DPH6: variants seen among roughly 807,000 people sequenced by gnomAD.
The protein encoded by DPH6 is diphthine--ammonia ligase.
In DPH6, 33 loss-of-function variants were observed where a neutral mutation model predicts 38.2. The observed-to-expected ratio is 0.86, with a 90% CI of 0.65 to 1.15. DPH6 has a LOEUF of 1.15. DPH6 is among the 50% of genes most tolerant of loss of function. The pLI is 0.00. For synonymous variants in DPH6, 108 were observed against 103.0 expected (o/e 1.05, Z -0.30); for missense variants, 325 against 320.0 (o/e 1.02, Z -0.12).
chr15:35,167,638 C>T, the DPH6 span, among the ~76,000 whole-genome samples: 1 of 150,224 alleles, frequency 6.7e-6, no homozygotes, highest in Non-Finnish European at 1.5e-5. Context: ...AGACATCTCG[C>T]AATGCCTAAG....
chr15:35,283,941 T>G (rs2051920518), intron 3 of DPH6, among the ~76,000 whole-genome samples: 1 of 152,226 alleles, frequency 6.6e-6, no homozygotes, highest in African/African-American at 2.4e-5. Context: ...CTCTTTATCT[T>G]TATCTTTGCT....
intron 3 of DPH6, among the ~76,000 whole-genome samples, chr15:35,529,729 T>A (rs1296146685): frequency 6.6e-6 from 1 of 152,122 alleles, no homozygotes; most frequent in East Asian, 1.9e-4. Context: ...GAATTAATGT[T>A]TGACAAATGA....
rs963079284 is a variant in DPH6, at chr15:35,391,255, G to T, written c.568-9339C>A. Among the ~76,000 whole-genome samples, 20 of 152,138 alleles carry T rather than the reference G, an allele frequency of 1.3e-4. 1 individual carries two copies. Among genetic ancestry groups the T allele is most frequent in the South Asian group, 1.0e-3 (5 of 4,834 alleles). On this transcript the variant is annotated intron_variant, in intron 6 of 8. Coordinates refer to ENST00000256538, the MANE Select transcript of DPH6 (RefSeq NM_080650.4). ...TGCGAGGTGTCAGTCCGCCCCTACT[G>T]GGGGGTGCCTCCCAGTTAGGCTACT...
At chr15:35,270,709 G>A (rs1010787490) in intron 3 of DPH6, among the ~76,000 whole-genome samples, 2 of 152,156 alleles carry the variant, frequency 1.3e-5, no homozygotes, top group African/African-American at 4.8e-5. Flanking sequence ...ATGCTCTTGT[G>A]TTTGTAGGGA....
intron 4 of DPH6, 47 bp from the exon 5 acceptor site, chr15:35,450,850 T>C: frequency 7.0e-7 from 1 of 1,420,556 alleles, no homozygotes; most frequent in Non-Finnish European, 9.7e-7. Context: ...CTTAATGTTT[T>C]ATACTTGGAT....
intron 3 of DPH6, among the ~76,000 whole-genome samples, chr15:35,360,768 G>A (rs1281596080): frequency 6.6e-6 from 1 of 151,962 alleles, no homozygotes; most frequent in Admixed American, 6.6e-5. Flanking sequence ...GGGCATAGAT[G>A]GGTGTGTCTC....
chr15:35,465,656 GTTT>G (rs1311132382), intron 3 of DPH6, among the ~76,000 whole-genome samples: 4 of 152,092 alleles, frequency 2.6e-5, no homozygotes, highest in African/African-American at 7.2e-5. Context: ...AAAATCTTTT[GTTT>G]TTTTCTTAAA....
chr15:35,280,630 T>C (rs918650254), intron 3 of DPH6, among the ~76,000 whole-genome samples: 5 of 152,234 alleles, frequency 3.3e-5, no homozygotes, highest in Non-Finnish European at 7.3e-5. Flanking sequence ...CAGAGAACTA[T>C]TTATCCATTT....
intron 3 of DPH6, among the ~76,000 whole-genome samples, chr15:35,317,861 TA>T (rs1352232302): frequency 6.6e-6 from 1 of 152,054 alleles, no homozygotes; most frequent in Non-Finnish European, 1.5e-5. Context: ...TACGTTGTAA[TA>T]AGTCCAGGCA....
At chr15:35,251,651 G>C (rs318331) in intron 3 of DPH6, among the ~76,000 whole-genome samples, 83,547 of 152,050 alleles carry the variant, frequency 0.55, 26,715 homozygotes, top group Non-Finnish European at 0.73. Context: ...TCACCACTTT[G>C]CTTTGTAACT....
At chr15:35,183,433 C>T in the DPH6 span, among the ~76,000 whole-genome samples, 1 of 152,128 alleles carries the variant, frequency 6.6e-6, no homozygotes, top group Non-Finnish European at 1.5e-5. Flanking sequence ...TGTTTCTTTA[C>T]AATAATAGTG....
chr15:35,478,368 C>CAT (rs2054286676), intron 3 of DPH6, among the ~76,000 whole-genome samples: 2 of 16,580 alleles, frequency 1.2e-4, no homozygotes, highest in African/African-American at 1.6e-4. Flanking sequence ...CCCACACATA[C>CAT]ACACACACAC....
chr15:35,278,904 G>T (rs555939903), intron 3 of DPH6, among the ~76,000 whole-genome samples: 18 of 151,652 alleles, frequency 1.2e-4, no homozygotes, highest in Non-Finnish European at 2.4e-4. Flanking sequence ...AAAAAATTAC[G>T]TGGGCGTGGT....
chr15:35,489,229 G>A lies in DPH6; in HGVS notation c.313-34409C>T, dbSNP rs1035958693. 2.2e-4 allele frequency: 128 copies of A among 580,496 alleles called. No homozygotes were observed. The African/African-American group carries it at 2.5e-3, about 11-fold the overall frequency. 36.0% of individuals were successfully genotyped at this position (580,496 alleles called of 1,614,324 possible). On this transcript the variant is annotated intron_variant, in intron 3 of 8. Coordinates refer to ENST00000256538, the MANE Select transcript of DPH6 (RefSeq NM_080650.4). ...GAGATATAATCTTGGAAACCACAGA[G>A]CAGCCATATTTTTTACCATGTGATC...
chr15:35,478,228 T>C (rs2054284150), intron 3 of DPH6, among the ~76,000 whole-genome samples: 1 of 151,892 alleles, frequency 6.6e-6, no homozygotes, highest in Non-Finnish European at 1.5e-5. Context: ...AGCCTATAAC[T>C]AAATACAACT....
At chr15:35,481,907 C>T (rs2054332112) in intron 3 of DPH6, among the ~76,000 whole-genome samples, 1 of 151,970 alleles carries the variant, frequency 6.6e-6, no homozygotes, top group Non-Finnish European at 1.5e-5. Flanking sequence ...TTGGCAAATC[C>T]TAAATTCCCT....
chr15:35,159,832 G>GA, the DPH6 span, among the ~76,000 whole-genome samples: 2 of 152,174 alleles, frequency 1.3e-5, no homozygotes, highest in Non-Finnish European at 2.9e-5. Context: ...ACTGGATAGA[G>GA]AAAATGTGGT....
intron 7 of DPH6, among the ~76,000 whole-genome samples, chr15:35,380,695 T>A (rs1355287416): frequency 6.6e-6 from 1 of 152,212 alleles, no homozygotes; most frequent in Non-Finnish European, 1.5e-5. Context: ...AGTTGACTCA[T>A]TAATTGTTTT....
Position 35,296,532 on chromosome 15 carries a change from C to T in DPH6, n.201-75950G>A, listed in dbSNP as rs1240633686. 2.0e-5 allele frequency among the ~76,000 whole-genome samples: 3 copies of T among 152,146 alleles called. No individual in the cohort carries two copies. The South Asian group carries it at 6.2e-4, about 32-fold the overall frequency. ...ATCACTTTAATCATACACATAATTC[C>T]TTTGCTCCTTGCTACTCTATTGTAT... On this transcript the variant is annotated intron_variant and non_coding_transcript_variant, in intron 3 of 3. Coordinates refer to the DPH6 transcript ENST00000560386.
Sources: gnomAD v4.1 joint callset for allele counts (sites outside exome capture counted in the v4.1 genomes callset) on GRCh38, gnomAD v4.1.1 for gene constraint, MANE v1.5 for transcripts, NCBI Gene and HGNC (gene_info 2026-07-23, HGNC 2026-07-21) for gene names.